COL8A1: variants seen among roughly 807,000 people sequenced by gnomAD.
COL8A1 encodes collagen alpha-1(VIII) chain.
COL8A1 carries 21 observed loss-of-function variants against 42.7 expected under a neutral mutation model. That is an observed-to-expected ratio of 0.49 (90% CI 0.35 to 0.71). The LOEUF (loss-of-function observed/expected upper bound fraction) is 0.71, where lower values mean the gene tolerates loss of function less well. Ranked by LOEUF, COL8A1 falls within the 30% of genes least tolerant of loss-of-function variation. COL8A1 has a pLI of 0.01. For synonymous variants in COL8A1, 367 were observed against 369.1 expected (o/e 0.99, Z 0.06); for missense variants, 788 against 962.4 (o/e 0.82, Z 2.40).
chr3:99,790,123 C>T (rs777252869), intron 2 of COL8A1, among the ~76,000 whole-genome samples: 3 of 152,202 alleles, frequency 2.0e-5, no homozygotes, highest in Non-Finnish European at 4.4e-5. Flanking sequence ...TTAACAAAGC[C>T]TAACCAGGAC....
intron 1 of COL8A1, among the ~76,000 whole-genome samples, chr3:99,691,013 A>G (rs1030684759): frequency 5.9e-5 from 9 of 152,248 alleles, no homozygotes; most frequent in African/African-American, 1.7e-4. Context: ...AACCAAGCAC[A>G]GCTTGAAAAT....
chr3:99,728,193 A>G (rs1438988605), intron 1 of COL8A1, among the ~76,000 whole-genome samples: 1 of 152,084 alleles, frequency 6.6e-6, no homozygotes, highest in East Asian at 1.9e-4. Context: ...GAAAAGAGGA[A>G]GTCAAATTGT....
intron 1 of COL8A1, among the ~76,000 whole-genome samples, chr3:99,732,911 G>A (rs914447428): frequency 6.6e-6 from 1 of 152,046 alleles, no homozygotes; most frequent in Non-Finnish European, 1.5e-5. Context: ...CTTTCCAAAT[G>A]GCAGAAATTG....
chr3:99,696,414 A>G (rs1221720460), intron 1 of COL8A1, among the ~76,000 whole-genome samples: 1 of 152,238 alleles, frequency 6.6e-6, no homozygotes, highest in Non-Finnish European at 1.5e-5. Flanking sequence ...GGCCCCTACC[A>G]GGAGAAGCCT....
At chr3:99,788,770 T>A (rs1188250539) in intron 2 of COL8A1, among the ~76,000 whole-genome samples, 1 of 152,228 alleles carries the variant, frequency 6.6e-6, no homozygotes, top group Non-Finnish European at 1.5e-5. Context: ...TATAGTATAC[T>A]GCAATTTATG....
chr3:99,744,768 A>C (rs1445292513), intron 1 of COL8A1, 129 bp from the exon 2 acceptor site: 2 of 152,220 alleles, frequency 1.3e-5, no homozygotes, highest in African/African-American at 4.8e-5. Flanking sequence ...TATAGCAGAA[A>C]AATAAACTAA....
intron 2 of COL8A1, among the ~76,000 whole-genome samples, chr3:99,755,893 G>T (rs1941244477): frequency 6.6e-6 from 1 of 152,082 alleles, no homozygotes; most frequent in Admixed American, 6.6e-5. Context: ...ACATGAACTG[G>T]GGTGGGGAGC....
At chr3:99,747,374 C>T (rs1212561214) in intron 2 of COL8A1, among the ~76,000 whole-genome samples, 22 of 152,172 alleles carry the variant, frequency 1.4e-4, no homozygotes, top group Admixed American at 1.4e-3. Flanking sequence ...CTGAATTATT[C>T]CCATTTTTTG....
chr3:99,724,870 A>G (rs1052532552), intron 1 of COL8A1, among the ~76,000 whole-genome samples: 1 of 152,100 alleles, frequency 6.6e-6, no homozygotes, highest in Non-Finnish European at 1.5e-5. Context: ...GGGAAAGAAA[A>G]GGGAACAAAA....
At position 99,772,121 on chromosome 3, in the gene COL8A1, T is replaced by C. The variant is rs186072282; in HGVS notation, c.-3-18559T>C. 3.4e-3 allele frequency among the ~76,000 whole-genome samples: 517 copies of C among 152,084 alleles called. 4 individuals are homozygous for C. Among genetic ancestry groups the C allele is most frequent in the African/African-American group, 0.012 (490 of 41,478 alleles). ...ACATCCATAAATAAATAATAGTACA[T>C]CCAGACAATGGAATATTATTGAGTG... is the stretch of plus-strand genomic sequence containing the variant. On this transcript the variant is annotated intron_variant, in intron 2 of 3. Coordinates refer to ENST00000652472, the MANE Select transcript of COL8A1 (RefSeq NM_020351.4).
intron 2 of COL8A1, among the ~76,000 whole-genome samples, chr3:99,749,654 T>C (rs1003248499): frequency 6.6e-6 from 1 of 152,202 alleles, no homozygotes; most frequent in Non-Finnish European, 1.5e-5. Flanking sequence ...TATAGTGCTA[T>C]TCCTGTTTGT....
At chr3:99,718,732 G>T (rs1456451182) in intron 1 of COL8A1, among the ~76,000 whole-genome samples, 1 of 152,020 alleles carries the variant, frequency 6.6e-6, no homozygotes, top group Non-Finnish European at 1.5e-5. Context: ...AAAGATAAAT[G>T]ATATGGAATG....
At position 99,718,963 on chromosome 3, in the gene COL8A1, A is replaced by G. The variant is rs929424806; in HGVS notation, c.-128-25934A>G. 2.6e-5 allele frequency among the ~76,000 whole-genome samples: 4 copies of G among 152,162 alleles called. No individual in the cohort carries two copies. The East Asian group carries it at 5.8e-4, about 22-fold the overall frequency. ...GAATATTAAATATTGAACAAAAATA[A>G]TAAAAACGTTAAGAGTCCAGGTTCA... On this transcript the variant is annotated intron_variant, in intron 1 of 3. Coordinates refer to ENST00000652472, the MANE Select transcript of COL8A1 (RefSeq NM_020351.4).
rs1365317763 is a variant in COL8A1, at chr3:99,661,329, C to G, written c.-129+22665C>G. 2.0e-5 allele frequency among the ~76,000 whole-genome samples: 3 copies of G among 152,064 alleles called. No homozygotes were observed. In the East Asian group the frequency reaches 5.8e-4, roughly 29 times the overall value. On this transcript the variant is annotated intron_variant, in intron 1 of 3. Coordinates refer to ENST00000652472, the MANE Select transcript of COL8A1 (RefSeq NM_020351.4). ...TAGATATTTCTCCAAAGAAGATATA[C>G]AAATGGTCAACAAGCACATGAAAAT...
intron 2 of COL8A1, among the ~76,000 whole-genome samples, chr3:99,753,362 GA>G (rs1343780273): frequency 6.6e-6 from 1 of 152,208 alleles, no homozygotes; most frequent in East Asian, 1.9e-4. Context: ...ACACTTCTGT[GA>G]GGCTGCCATC....
At chr3:99,709,014 A>T (rs1939759666) in intron 1 of COL8A1, among the ~76,000 whole-genome samples, 1 of 151,570 alleles carries the variant, frequency 6.6e-6, no homozygotes, top group African/African-American at 2.4e-5. Context: ...CTGGACAAGC[A>T]GGCTTAACAC....
At chr3:99,703,873 T>TA (rs1939609640) in intron 1 of COL8A1, among the ~76,000 whole-genome samples, 1 of 152,362 alleles carries the variant, frequency 6.6e-6, no homozygotes, top group African/African-American at 2.4e-5. Flanking sequence ...TTAAAACTTA[T>TA]AAAGAAATTC....
At chr3:99,700,577 A>C (rs564173189) in intron 1 of COL8A1, among the ~76,000 whole-genome samples, 2 of 152,302 alleles carry the variant, frequency 1.3e-5, no homozygotes, top group Non-Finnish European at 2.9e-5. Context: ...CAGTGGGCTT[A>C]ACCTCCAAAC....
chr3:99,727,086 C>T (rs889649538), intron 1 of COL8A1, among the ~76,000 whole-genome samples: 7 of 152,084 alleles, frequency 4.6e-5, no homozygotes, highest in African/African-American at 1.7e-4. Flanking sequence ...TCTTTTATTT[C>T]ATTGAGCAGT....
Sources: allele counts gnomAD v4.1 joint callset (sites outside exome capture counted in the v4.1 genomes callset), GRCh38; gene constraint gnomAD v4.1.1; transcripts MANE v1.5; gene names NCBI Gene and HGNC (gene_info 2026-07-23, HGNC 2026-07-21).